KLK15: variants seen among roughly 807,000 people sequenced by gnomAD.
KLK15 encodes kallikrein related peptidase 15.
KLK15 carries 19 observed loss-of-function variants against 21.1 expected under a neutral mutation model. The observed-to-expected ratio is 0.90, with a 90% CI of 0.63 to 1.32. The LOEUF is 1.32. KLK15 is among the 40% of genes most tolerant of loss of function. The pLI, the probability that KLK15 is intolerant of heterozygous loss-of-function variation, is 0.00. For missense variants in KLK15, 345 were observed against 348.6 expected (o/e 0.99, Z 0.08); for synonymous variants, 141 against 141.5 (o/e 1.00, Z 0.03).
upstream of KLK15, among the ~76,000 whole-genome samples, chr19:50,831,705 C>T (rs1448605002): frequency 6.6e-6 from 1 of 152,158 alleles, no homozygotes; most frequent in Non-Finnish European, 1.5e-5. Flanking sequence ...TTTACTCTTC[C>T]TCTAGGCACT....
intron 4 of KLK15, 103 bp downstream of exon 5, chr19:50,826,518 A>T (rs2089881565): frequency 7.3e-7 from 1 of 1,366,562 alleles, no homozygotes. Flanking sequence ...GCCTAACCCT[A>T]GCATCTTCTC....
intron 1 of KLK15, 85 bp downstream of exon 2, chr19:50,831,365 G>C (rs1205359596): frequency 1.0e-6 from 1 of 994,710 alleles, no homozygotes; most frequent in African/African-American, 1.7e-5. Context: ...GGTGAGGTAG[G>C]GGCTGGCAGA....
Position 50,825,949 on chromosome 19 carries a change from C to T in KLK15, c.619-1G>A. 6.2e-7 allele frequency: 1 copy of T among 1,610,700 alleles called. No homozygotes were observed. Reference sequence around the variant, plus strand: ...AGACCAGGGGTCCCCCAGAGTCACCCTGTGGGGAAAAGAGGGGGTCTCAGG... The same window carrying T: ...AGACCAGGGGTCCCCCAGAGTCACCTTGTGGGGAAAAGAGGGGGTCTCAGG... On this transcript the variant is annotated splice_acceptor_variant, in intron 4 of 4. Coordinates refer to ENST00000598239, the Ensembl canonical transcript of KLK15. LOFTEE classifies it high-confidence loss of function.
chr19:50,832,863 C>T (rs1019247675), upstream of KLK15, among the ~76,000 whole-genome samples: 5 of 152,304 alleles, frequency 3.3e-5, no homozygotes, highest in African/African-American at 9.6e-5. Context: ...GGCAGCTCCC[C>T]GAGGAGCTGG....
upstream of KLK15, among the ~76,000 whole-genome samples, chr19:50,832,538 G>C (rs56046728): frequency 0.49 from 74,383 of 151,238 alleles, 18,424 homozygotes; most frequent in East Asian, 0.57. Flanking sequence ...GGCCAGGCTG[G>C]TCTTGAACTC....
At chr19:50,831,839 T>TC (rs1464310327), upstream of KLK15, among the ~76,000 whole-genome samples, 4 of 149,238 alleles carry the variant, frequency 2.7e-5, no homozygotes, top group Non-Finnish European at 5.9e-5. Flanking sequence ...TGAGACGGAG[T>TC]CTCACTCTGT....
upstream of KLK15, chr19:50,831,635 G>A (rs980511176): frequency 1.5e-5 from 8 of 547,756 alleles, no homozygotes; most frequent in Admixed American, 4.4e-5. Context: ...TCTGACCACC[G>A]GTATCCCCTT....
chr19:50,831,647 C>G, upstream of KLK15: 1 of 503,036 alleles, frequency 2.0e-6, no homozygotes, highest in Non-Finnish European at 3.3e-6. Flanking sequence ...TATCCCCTTC[C>G]CCCAACCCCA....
exon 5 of KLK15, chr19:50,825,919 C>G: frequency 6.2e-7 from 1 of 1,613,776 alleles, no homozygotes; most frequent in African/African-American, 1.3e-5. Context: ...GCAGGATGCC[C>G]CCACAGACCA....
Position 50,827,902 on chromosome 19 carries a change from T to C in KLK15, c.44-87A>G. On this transcript the variant is annotated intron_variant, in intron 1 of 4. Coordinates refer to ENST00000598239, the Ensembl canonical transcript of KLK15. ...CTTGCACCCTGCCCTAACTACTATA[T>C]GCCTATGCCTTTCCCCTAACTTCTC... is the stretch of plus-strand genomic sequence containing the variant. 5 of 1,256,604 alleles carry C rather than the reference T, an allele frequency of 4.0e-6. No individual in the cohort carries two copies. The South Asian group carries it at 5.3e-5, about 13-fold the overall frequency. The allele number at this position is 1,256,604 out of a possible 1,614,324, so 77.8% of individuals were successfully genotyped here. A position where few individuals can be genotyped will look rare whatever the true frequency, so the allele number is the denominator to read the frequency against.
downstream of KLK15, chr19:50,825,480 C>T (rs3212810): frequency 0.23 from 44,275 of 194,208 alleles, 6,240 homozygotes; most frequent in East Asian, 0.5. Flanking sequence ...TGCTTCAAGC[C>T]GCTTCTCCTC....
In KLK15 at chr19:50,829,172, G is replaced by C. The variant is rs1404093038; in HGVS notation, c.44-1357C>G. On this transcript the variant is annotated intron_variant, in intron 1 of 4. Coordinates refer to ENST00000598239, the Ensembl canonical transcript of KLK15. ...AGTGTCACAGACACTTGCATACAGG[G>C]TCTGGACAAAGATGGGTCCTTAAGC... Among the ~76,000 whole-genome samples, 3 of 151,304 alleles carry C rather than the reference G, an allele frequency of 2.0e-5. No individual in the cohort carries two copies. The Admixed American group carries it at 2.0e-4, about 10-fold the overall frequency.
intron 4 of KLK15, 155 bp from the exon 6 acceptor site, chr19:50,826,103 A>G: frequency 1.4e-6 from 1 of 713,964 alleles, no homozygotes; most frequent in Non-Finnish European, 2.3e-6. Context: ...TATCCCAAAC[A>G]GAGCCAACCC....
At chr19:50,826,522 T>C in intron 4 of KLK15, 99 bp downstream of exon 5, 1 of 1,403,410 alleles carries the variant, frequency 7.1e-7, no homozygotes, top group Non-Finnish European at 9.5e-7. Context: ...AACCCTAGCA[T>C]CTTCTCTGGC....
chr19:50,832,904 A>C (rs1372309020), upstream of KLK15, among the ~76,000 whole-genome samples: 1 of 152,150 alleles, frequency 6.6e-6, no homozygotes. Context: ...CCAGTACTGC[A>C]GGGCCCGACC....
At chr19:50,828,877 G>A (rs190488673) in intron 1 of KLK15, among the ~76,000 whole-genome samples, 1,634 of 147,238 alleles carry the variant, frequency 0.011, 50 homozygotes, top group African/African-American at 0.039. Flanking sequence ...GCTGAGGCAG[G>A]AAAATCGCTT....
chr19:50,826,539 C>G, intron 4 of KLK15, 82 bp downstream of exon 5: 1 of 1,475,728 alleles, frequency 6.8e-7, no homozygotes, highest in South Asian at 1.4e-5. Flanking sequence ...TGGCCCAAAG[C>G]AAAGAAAATC....
chr19:50,828,901 G>A (rs1487968127), intron 1 of KLK15, among the ~76,000 whole-genome samples: 6 of 148,664 alleles, frequency 4.0e-5, no homozygotes, highest in South Asian at 2.1e-4. Context: ...CCCGGGAGGC[G>A]GAGATTGCAG....
chr19:50,832,322 C>CTTTTTTTTTTTTT (rs773163899), upstream of KLK15, among the ~76,000 whole-genome samples: 41 of 109,436 alleles, frequency 3.7e-4, no homozygotes, highest in African/African-American at 1.0e-3. Flanking sequence ...CTTTTTTTTT[C>CTTTTTTTTTTTTT]TTTTTTTTTT....
Sources: allele counts gnomAD v4.1 joint callset (sites outside exome capture counted in the v4.1 genomes callset), GRCh38; gene constraint gnomAD v4.1.1; transcripts MANE v1.5; gene names NCBI Gene and HGNC (gene_info 2026-07-23, HGNC 2026-07-21).